The following EFNA5 variants were observed in gnomAD, a reference collection of about 807,000 sequenced individuals.
The protein encoded by EFNA5 is ephrin-A5.
EFNA5 carries 5 observed loss-of-function variants against 22.9 expected under a neutral mutation model. The observed-to-expected ratio is 0.22, with a 90% CI of 0.11 to 0.46. The LOEUF (loss-of-function observed/expected upper bound fraction) is 0.46, where lower values mean the gene tolerates loss of function less well. EFNA5 is among the 20% of genes least tolerant of loss of function. The pLI is 0.99. For missense variants in EFNA5, 237 were observed against 293.3 expected, an observed-to-expected ratio of 0.81 and a Z score of 1.40; for synonymous variants, 113 against 112.2, an observed-to-expected ratio of 1.01 and a Z score of -0.04.
At chr5:107,405,560 C>T (rs1346264984) in intron 2 of EFNA5, among the ~76,000 whole-genome samples, 3 of 152,100 alleles carry the variant, frequency 2.0e-5, no homozygotes, top group Non-Finnish European at 4.4e-5. Context: ...TAACATTTTT[C>T]TATACCATCT....
At position 107,533,425 on chromosome 5, in the gene EFNA5, C is replaced by T. The variant is rs186802983; in HGVS notation, c.126-105916G>A. Among the ~76,000 whole-genome samples, 83 of 152,248 alleles carry T rather than the reference C, an allele frequency of 5.5e-4. 1 individual carries two copies. The highest frequency in any genetic ancestry group is 1.9e-3 in the African/African-American group (81 of 41,552). ...GCCACAAGAAGCTAAAGAGGTAATC[C>T]ACTCCTGAAAAAGCCCAGAAGAATA... On this transcript the variant is annotated intron_variant, in intron 1 of 4. Coordinates refer to ENST00000333274, the MANE Select transcript of EFNA5 (RefSeq NM_001962.3).
intron 2 of EFNA5, among the ~76,000 whole-genome samples, chr5:107,389,500 A>T (rs184832704): frequency 6.6e-6 from 1 of 152,336 alleles, no homozygotes; most frequent in East Asian, 1.9e-4. Context: ...AGATGAACTC[A>T]CTTCAAGCCT....
At chr5:107,514,847 A>C (rs946435489) in intron 1 of EFNA5, among the ~76,000 whole-genome samples, 14 of 152,146 alleles carry the variant, frequency 9.2e-5, no homozygotes, top group Admixed American at 2.6e-4. Context: ...ATGATATAGG[A>C]GTTAAGAAGA....
intron 1 of EFNA5, among the ~76,000 whole-genome samples, chr5:107,600,365 C>A (rs1255095823): frequency 6.6e-6 from 1 of 152,160 alleles, no homozygotes; most frequent in Non-Finnish European, 1.5e-5. Flanking sequence ...TCAGTTACAA[C>A]CTAAGAAGAG....
rs181011643 is a variant in EFNA5, at chr5:107,625,573, G to A, written c.125+44916C>T. On this transcript the variant is annotated intron_variant, in intron 1 of 4. Coordinates refer to ENST00000333274, the MANE Select transcript of EFNA5 (RefSeq NM_001962.3). Reference sequence around the variant, plus strand: ...AATTGGTGTTAAGTAAGAATTACCAGATTATTCCAAAGCTAATATTGCATA... The same window carrying A: ...AATTGGTGTTAAGTAAGAATTACCAAATTATTCCAAAGCTAATATTGCATA... Among the ~76,000 whole-genome samples the A allele has an allele frequency of 1.1e-4, 17 of 152,212 alleles. No homozygotes were observed. The East Asian group carries it at 2.3e-3, about 21-fold the overall frequency.
intron 1 of EFNA5, among the ~76,000 whole-genome samples, chr5:107,559,342 A>G (rs748620708): frequency 1.4e-4 from 21 of 152,194 alleles, no homozygotes; most frequent in Non-Finnish European, 2.4e-4. Flanking sequence ...ACTCTTTCAT[A>G]TATATCTGTC....
intron 1 of EFNA5, among the ~76,000 whole-genome samples, chr5:107,623,615 G>A (rs1157276981): frequency 6.6e-6 from 1 of 151,798 alleles, no homozygotes; most frequent in African/African-American, 2.4e-5. Context: ...AGGTGGGCAG[G>A]CTGGTGAACA....
intron 4 of EFNA5, among the ~76,000 whole-genome samples, chr5:107,384,690 T>C (rs533478760): frequency 1.3e-5 from 2 of 151,592 alleles, no homozygotes; most frequent in East Asian, 2.0e-4. Flanking sequence ...TAGCTCACTG[T>C]AGCCTCGAAC....
chr5:107,549,878 G>C (rs1370256874), intron 1 of EFNA5, among the ~76,000 whole-genome samples: 1 of 152,226 alleles, frequency 6.6e-6, no homozygotes, highest in Non-Finnish European at 1.5e-5. Context: ...CCATGGGGTT[G>C]CCTGACCCAT....
chr5:107,559,492 C>T lies in EFNA5; in HGVS notation c.125+110997G>A, dbSNP rs116208821. ...TCTTGATGTTTGCAGAGAGCACTCCCTAACAGTTCTCTCATAATTTTTCTT... is the reference window on the plus strand; with the variant it reads ...TCTTGATGTTTGCAGAGAGCACTCCTTAACAGTTCTCTCATAATTTTTCTT... On this transcript the variant is annotated intron_variant, in intron 1 of 4. Transcript: ENST00000333274. Among the ~76,000 whole-genome samples the T allele has an allele frequency of 3.0e-3, 458 of 152,278 alleles. 8 individuals carry two copies. Among genetic ancestry groups the T allele is most frequent in the African/African-American group, 0.011 (442 of 41,560 alleles).
intron 2 of EFNA5, among the ~76,000 whole-genome samples, chr5:107,418,422 T>C (rs1435718911): frequency 1.3e-5 from 2 of 152,242 alleles, no homozygotes; most frequent in African/African-American, 4.8e-5. Context: ...TTGCATTATT[T>C]CTTTAGGAGA....
At chr5:107,411,824 G>C (rs1483856946) in intron 2 of EFNA5, among the ~76,000 whole-genome samples, 1 of 152,114 alleles carries the variant, frequency 6.6e-6, no homozygotes, top group Non-Finnish European at 1.5e-5. Flanking sequence ...CTCCTGCCTT[G>C]GCTTCCTAAA....
chr5:107,434,308 C>T (rs1352742572), intron 1 of EFNA5, among the ~76,000 whole-genome samples: 1 of 152,128 alleles, frequency 6.6e-6, no homozygotes, highest in Non-Finnish European at 1.5e-5. Context: ...ATGGTGCCGA[C>T]CTGACTTCCT....
Position 107,381,213 on chromosome 5 carries a change from G to T in EFNA5, c.*42C>A. 1 of 1,583,254 alleles carries T rather than the reference G, an allele frequency of 6.3e-7. No individual in the cohort carries two copies. The highest frequency in any genetic ancestry group is 1.1e-5 in the South Asian group (1 of 88,486). On this transcript the variant is annotated 3_prime_UTR_variant, in exon 5 of 5. Coordinates refer to ENST00000333274, the MANE Select transcript of EFNA5 (RefSeq NM_001962.3). ...GTTAGGTGGATCTCTGGTGTTCCAA[G>T]ACCCTGATGTTTTCTGTGACAAGTG...
At chr5:107,611,414 T>C (rs1331939354) in intron 1 of EFNA5, among the ~76,000 whole-genome samples, 2 of 152,212 alleles carry the variant, frequency 1.3e-5, no homozygotes, top group African/African-American at 4.8e-5. Context: ...CCTATGTTTG[T>C]AAAATTCCAC....
intron 1 of EFNA5, among the ~76,000 whole-genome samples, chr5:107,465,785 G>C (rs1258259874): frequency 2.6e-5 from 4 of 151,898 alleles, no homozygotes; most frequent in Non-Finnish European, 5.9e-5. Flanking sequence ...TATATCACGA[G>C]GGGAGAAAAA....
intron 1 of EFNA5, among the ~76,000 whole-genome samples, chr5:107,445,996 G>T (rs575992653): frequency 6.6e-6 from 1 of 152,280 alleles, no homozygotes; most frequent in Non-Finnish European, 1.5e-5. Context: ...CAGGAAAGAG[G>T]TTAAGAGAAA....
At chr5:107,640,187 G>A (rs900267821) in intron 1 of EFNA5, among the ~76,000 whole-genome samples, 1 of 152,154 alleles carries the variant, frequency 6.6e-6, no homozygotes, top group Non-Finnish European at 1.5e-5. Flanking sequence ...AACTTTGGGG[G>A]AAGGTGGTTT....
chr5:107,577,319 T>G (rs1398133604), intron 1 of EFNA5, among the ~76,000 whole-genome samples: 1 of 152,068 alleles, frequency 6.6e-6, no homozygotes, highest in Admixed American at 6.6e-5. Flanking sequence ...GAAGTCAGTT[T>G]CTCGGTTGGG....
Sources: allele counts gnomAD v4.1 joint callset (sites outside exome capture counted in the v4.1 genomes callset), GRCh38; gene constraint gnomAD v4.1.1; transcripts MANE v1.5; gene names NCBI Gene and HGNC (gene_info 2026-07-23, HGNC 2026-07-21).